Variants in RBFOX1 observed in about 807,000 individuals in gnomAD.
The protein encoded by RBFOX1 is RNA binding protein fox-1 homolog 1.
A neutral mutation model predicts 57.7 loss-of-function variants in RBFOX1; 8 were observed. That is an observed-to-expected ratio of 0.14 (90% CI 0.08 to 0.25). RBFOX1 has a LOEUF of 0.25. Ranked by LOEUF, RBFOX1 falls within the 10% of genes least tolerant of loss-of-function variation. RBFOX1 has a pLI of 1.00. For synonymous variants in RBFOX1, 326 were observed against 222.4 expected, an observed-to-expected ratio of 1.47 and a Z score of -4.15; for missense variants, 611 against 548.5, an observed-to-expected ratio of 1.11 and a Z score of -1.14.
At chr16:7,475,975 T>C (rs775964625) in intron 4 of RBFOX1, among the ~76,000 whole-genome samples, 4 of 152,098 alleles carry the variant, frequency 2.6e-5, no homozygotes, top group Non-Finnish European at 5.9e-5. Flanking sequence ...TTATTTATTT[T>C]TTATTTTTGA....
intron 3 of RBFOX1, among the ~76,000 whole-genome samples, chr16:6,939,913 A>G (rs2078061011): frequency 6.6e-6 from 1 of 152,206 alleles, no homozygotes; most frequent in African/African-American, 2.4e-5. Context: ...ATAAATGCAT[A>G]ATTTAATCAC....
chr16:5,299,768 T>C (rs1429774449), intron 1 of RBFOX1, among the ~76,000 whole-genome samples: 1 of 152,230 alleles, frequency 6.6e-6, no homozygotes, highest in African/African-American at 2.4e-5. Context: ...TTCCTTGTAA[T>C]TTTTATGCAT....
At chr16:7,558,450 A>G (rs1224700940) in intron 5 of RBFOX1, among the ~76,000 whole-genome samples, 1 of 152,088 alleles carries the variant, frequency 6.6e-6, no homozygotes, top group Non-Finnish European at 1.5e-5. Flanking sequence ...ATATATCAAT[A>G]TGAATATATA....
intron 11 of RBFOX1, among the ~76,000 whole-genome samples, chr16:7,637,365 A>ACTT (rs1392365103): frequency 2.6e-5 from 4 of 152,222 alleles, no homozygotes; most frequent in African/African-American, 9.6e-5. Context: ...TCATTTATTG[A>ACTT]CTTCTATGAA....
intron 4 of RBFOX1, among the ~76,000 whole-genome samples, chr16:7,420,958 C>CATATAT (rs1438388550): frequency 6.8e-6 from 1 of 146,386 alleles, no homozygotes; most frequent in African/African-American, 2.6e-5. Flanking sequence ...CACACACACA[C>CATATAT]ACATATATAT....
chr16:7,207,520 T>A (rs978132831), intron 4 of RBFOX1, among the ~76,000 whole-genome samples: 9 of 152,084 alleles, frequency 5.9e-5, no homozygotes, highest in Admixed American at 5.2e-4. Context: ...TAATAGATGA[T>A]CCAGTGAATA....
intron 3 of RBFOX1, among the ~76,000 whole-genome samples, chr16:6,984,035 G>A (rs2089646726): frequency 6.6e-6 from 1 of 152,112 alleles, no homozygotes; most frequent in African/African-American, 2.4e-5. Flanking sequence ...ATCACCTGAG[G>A]TCAGGAGTTC....
intron 3 of RBFOX1, among the ~76,000 whole-genome samples, chr16:5,748,362 G>T (rs1325022447): frequency 2.6e-5 from 4 of 152,148 alleles, no homozygotes; most frequent in Non-Finnish European, 2.9e-5. Context: ...TTGATTTGGG[G>T]TGGAGAGTTC....
At chr16:5,334,967 A>G (rs879451937) in intron 1 of RBFOX1, among the ~76,000 whole-genome samples, 4 of 152,136 alleles carry the variant, frequency 2.6e-5, no homozygotes, top group Non-Finnish European at 5.9e-5. Flanking sequence ...CTTGTAGTAT[A>G]GACTTCAAGT....
At chr16:6,570,878 G>C (rs138981481) in intron 2 of RBFOX1, among the ~76,000 whole-genome samples, 77 of 152,280 alleles carry the variant, frequency 5.1e-4, no homozygotes, top group African/African-American at 1.8e-3. Flanking sequence ...AGGATGGGAT[G>C]GGGAGAAGGA....
intron 3 of RBFOX1, among the ~76,000 whole-genome samples, chr16:5,625,215 A>AT (rs139006355): frequency 0.043 from 6,543 of 151,566 alleles, 370 homozygotes; most frequent in African/African-American, 0.13. Flanking sequence ...AGGGCAGGAT[A>AT]TTTTTTTTTC....
At chr16:6,619,873 CA>C (rs1362728690) in intron 2 of RBFOX1, among the ~76,000 whole-genome samples, 1 of 152,060 alleles carries the variant, frequency 6.6e-6, no homozygotes, top group Non-Finnish European at 1.5e-5. Flanking sequence ...CTCCACCCTA[CA>C]ATAGGCCGCA....
chr16:7,004,153 T>C (rs1487122653), intron 3 of RBFOX1: 1 of 152,130 alleles, frequency 6.6e-6, no homozygotes, highest in Non-Finnish European at 1.5e-5. Context: ...AGCATCTTTT[T>C]AAATCTTATG....
chr16:5,701,134 G>T (rs1353078845), intron 3 of RBFOX1, among the ~76,000 whole-genome samples: 2 of 152,032 alleles, frequency 1.3e-5, no homozygotes, highest in African/African-American at 4.8e-5. Flanking sequence ...AAAGATCCTG[G>T]ACCAAATAAA....
At chr16:6,579,362 C>G (rs1196106995) in intron 2 of RBFOX1, among the ~76,000 whole-genome samples, 1 of 152,060 alleles carries the variant, frequency 6.6e-6, no homozygotes, top group Non-Finnish European at 1.5e-5. Flanking sequence ...CACCACCACA[C>G]CTGGTGATAT....
chr16:6,268,635 A>G (rs369354455), intron 1 of RBFOX1, among the ~76,000 whole-genome samples: 10 of 152,294 alleles, frequency 6.6e-5, no homozygotes, highest in East Asian at 3.9e-4. Flanking sequence ...TATGCATCGA[A>G]CAGTTATTAT....
chr16:5,375,699 T>C (rs567083452), intron 1 of RBFOX1, among the ~76,000 whole-genome samples: 1 of 152,330 alleles, frequency 6.6e-6, no homozygotes, highest in South Asian at 2.1e-4. Flanking sequence ...TGCCAAATGT[T>C]CTCTGCAGAG....
Position 7,173,250 on chromosome 16 carries a change from C to G in RBFOX1, c.27+121152C>G, listed in dbSNP as rs921936784. Among the ~76,000 whole-genome samples, 10 of 152,126 alleles carry G rather than the reference C, an allele frequency of 6.6e-5. 1 individual carries two copies. The highest frequency in any genetic ancestry group is 1.3e-4 in the Admixed American group (2 of 15,260). ...CCTCCCCCTTTTATTTCAAATTACG[C>G]CACTGACTACGAAAACCTGGTCAAA... On this transcript the variant is annotated intron_variant, in intron 4 of 15. Transcript: ENST00000550418.
chr16:5,381,785 C>A (rs955346497), intron 1 of RBFOX1, among the ~76,000 whole-genome samples: 2 of 152,210 alleles, frequency 1.3e-5, no homozygotes, highest in Non-Finnish European at 2.9e-5. Flanking sequence ...GGGATGCCCC[C>A]TTATTTGACA....
Sources: allele counts gnomAD v4.1 joint callset (sites outside exome capture counted in the v4.1 genomes callset), GRCh38; gene constraint gnomAD v4.1.1; transcripts MANE v1.5; gene names NCBI Gene and HGNC (gene_info 2026-07-23, HGNC 2026-07-21).